The following PCDHGA3 variants were observed in gnomAD, a reference collection of about 807,000 sequenced individuals.
The protein encoded by PCDHGA3 is protocadherin gamma-A3.
A neutral mutation model predicts 58.5 loss-of-function variants in PCDHGA3; 40 were observed. That is an observed-to-expected ratio of 0.68 (90% CI 0.53 to 0.89). The LOEUF (loss-of-function observed/expected upper bound fraction) is 0.89. PCDHGA3 is among the 40% of genes least tolerant of loss of function. The pLI is 0.00. For missense variants in PCDHGA3, 1,223 were observed against 1,195.9 expected, an observed-to-expected ratio of 1.02 and a Z score of -0.33; for synonymous variants, 530 against 525.7, an observed-to-expected ratio of 1.01 and a Z score of -0.11.
intron 1 of PCDHGA3, chr5:141,357,456 C>T: frequency 6.2e-7 from 1 of 1,614,204 alleles, no homozygotes; most frequent in East Asian, 2.2e-5. Flanking sequence ...TCCTGCAGAC[C>T]TATTCCCACG....
intron 1 of PCDHGA3, chr5:141,415,994 C>G: frequency 6.6e-6 from 2 of 303,006 alleles, no homozygotes; most frequent in East Asian, 6.9e-5. Context: ...GTTCTGAAGG[C>G]AGGTCTGGTA....
In PCDHGA3 at chr5:141,418,992, A is replaced by G. The variant is rs554523363; in HGVS notation, c.2424+72535A>G. 28 of 1,613,802 alleles carry G rather than the reference A, an allele frequency of 1.7e-5. No individual in the cohort carries two copies. The African/African-American group carries it at 2.7e-4, about 15-fold the overall frequency. On this transcript the variant is annotated intron_variant, in intron 1 of 3. Coordinates refer to ENST00000253812, the MANE Select transcript of PCDHGA3 (RefSeq NM_018916.4). Reference sequence around the variant, plus strand: ...AAAACACGGGACCAAGACTCAGGGGAAAATGGGGAAGTCAGGTGTAGCTTA... The same window carrying G: ...AAAACACGGGACCAAGACTCAGGGGGAAATGGGGAAGTCAGGTGTAGCTTA...
At chr5:141,350,302 ACT>A in intron 1 of PCDHGA3, 1 of 1,520,774 alleles carries the variant, frequency 6.6e-7, no homozygotes, top group Non-Finnish European at 8.8e-7. Flanking sequence ...AAAGTCAGGT[ACT>A]GTTTCCCTTC....
Position 141,346,340 on chromosome 5 carries a change from T to G in PCDHGA3, c.2307T>G (p.Ile769Met), listed in dbSNP as rs776812616. 6.2e-7 allele frequency: 1 copy of G among 1,614,130 alleles called. No individual in the cohort carries two copies. The highest frequency in any genetic ancestry group is 1.1e-5 in the South Asian group (1 of 91,078). ...LTADSRKSHL[I>M]FPQPNYADTL... ...CGGACTCGCGGAAGAGCCACCTGAT[T>G]TTCCCCCAGCCCAACTATGCGGACA... The change falls in exon 1 of 4, where the codon ATT (isoleucine) becomes ATG (methionine). Residue 769 changes from isoleucine to methionine, a missense_variant. Transcript: ENST00000253812.
rs544291535 is a variant in PCDHGA3 at position 141,433,938 on chromosome 5, C to T, written c.2425-60869C>T. 4.6e-5 allele frequency among the ~76,000 whole-genome samples: 7 copies of T among 151,784 alleles called. No homozygotes were observed. The South Asian group carries it at 1.3e-3, about 27-fold the overall frequency. On this transcript the variant is annotated intron_variant, in intron 1 of 3. Coordinates refer to ENST00000253812, the MANE Select transcript of PCDHGA3 (RefSeq NM_018916.4). ...CCTCCAAATGAAGATTTTATAATTCCATTGTTTCTTCTACAGTTGTTAATT... is the reference window on the plus strand; with the variant it reads ...CCTCCAAATGAAGATTTTATAATTCTATTGTTTCTTCTACAGTTGTTAATT...
rs1285129755 is a variant in PCDHGA3 at position 141,350,449 on chromosome 5, A to C, written c.2424+3992A>C. The C allele has an allele frequency of 1.2e-6, 2 of 1,610,634 alleles. No homozygotes were observed. Among genetic ancestry groups the C allele is most frequent in the African/African-American group, 2.7e-5 (2 of 74,816 alleles). The stretch of plus-strand genomic sequence containing the variant: ...GTGTCCGGGAGTTGCCAACTCGAAA[A>C]CTGCGGGTTAGTGCAGAGGATTATT... On this transcript the variant is annotated intron_variant, in intron 1 of 3. Coordinates refer to ENST00000253812, the MANE Select transcript of PCDHGA3 (RefSeq NM_018916.4).
chr5:141,346,369 T>A lies in PCDHGA3; in HGVS notation c.2336T>A (p.Leu779His). The change falls in exon 1 of 4, where the codon CTC becomes CAC. Residue 779 changes from leucine to histidine, a missense_variant. This residue lies in a region of PCDHGA3 where 325 missense variants were observed against 327.5 expected (regional missense o/e 0.99). Transcript: ENST00000253812. ...CCCCAGCCCAACTATGCGGACACGCTCATCAGCCAGGAGAGCTGTGAGAAA... is the reference window on the plus strand; with the variant it reads ...CCCCAGCCCAACTATGCGGACACGCACATCAGCCAGGAGAGCTGTGAGAAA... ...IFPQPNYADTLISQESCEKSE... is the reference protein window; with the variant it reads ...IFPQPNYADTHISQESCEKSE... 1 of 1,614,202 alleles carries A rather than the reference T, an allele frequency of 6.2e-7. No individual in the cohort carries two copies. The highest frequency in any genetic ancestry group is 8.5e-7 in the Non-Finnish European group (1 of 1,180,046).
intron 1 of PCDHGA3, chr5:141,394,889 T>C: frequency 6.2e-7 from 1 of 1,613,858 alleles, no homozygotes; most frequent in Non-Finnish European, 8.5e-7. Context: ...TTACACTCTA[T>C]CTCGTGGTGG....
chr5:141,390,416 T>A, intron 1 of PCDHGA3: 2 of 1,124,674 alleles, frequency 1.8e-6, no homozygotes, highest in Non-Finnish European at 2.5e-6. Context: ...TGTAGTCAGT[T>A]AAAAAGCTGT....
chr5:141,415,866 T>A, intron 1 of PCDHGA3: 1 of 1,115,266 alleles, frequency 9.0e-7, no homozygotes, highest in Non-Finnish European at 1.2e-6. Context: ...GTTTATAGTG[T>A]TGTTGAGTAC....
intron 1 of PCDHGA3, among the ~76,000 whole-genome samples, chr5:141,448,169 A>C (rs1418273084): frequency 6.6e-6 from 1 of 152,014 alleles, no homozygotes; most frequent in Non-Finnish European, 1.5e-5. Flanking sequence ...GATCACTACT[A>C]TTCATCCCTG....
At chr5:141,424,022 A>G (rs2096795541) in intron 1 of PCDHGA3, 13 of 1,046,584 alleles carry the variant, frequency 1.2e-5, no homozygotes, top group Non-Finnish European at 1.4e-5. Context: ...ATGATTCACA[A>G]ACACTTTTTA....
intron 1 of PCDHGA3, chr5:141,399,115 G>C: frequency 6.2e-7 from 1 of 1,613,814 alleles, no homozygotes; most frequent in Non-Finnish European, 8.5e-7. Context: ...ATGTACAGTT[G>C]AAATTAATAT....
chr5:141,509,067 C>T (rs987332283), intron 3 of PCDHGA3, among the ~76,000 whole-genome samples: 1 of 152,132 alleles, frequency 6.6e-6, no homozygotes, highest in African/African-American at 2.4e-5. Flanking sequence ...CTCTCAGCTC[C>T]GGGGATTTGC....
intron 1 of PCDHGA3, chr5:141,366,519 G>T: frequency 6.2e-7 from 1 of 1,614,256 alleles, no homozygotes; most frequent in Non-Finnish European, 8.5e-7. Context: ...GCTGAAGGCA[G>T]CAGGTTGGCG....
rs1757443282 is a variant in PCDHGA3, at chr5:141,344,598, G to A, written c.565G>A (p.Ala189Thr). The change falls in exon 1 of 4, where the codon GCC becomes ACC. Residue 189 changes from alanine to threonine, a missense_variant. Around this residue, in one of 3 missense-constraint regions of PCDHGA3, gnomAD observed 791 missense variants for 708.5 expected, o/e 1.12. Coordinates refer to ENST00000253812, the MANE Select transcript of PCDHGA3 (RefSeq NM_018916.4). ...SLAVNSVSEGAKYPELVLERA... is the reference protein window; with the variant it reads ...SLAVNSVSEGTKYPELVLERA... ...GGCTGTGAATAGCGTCTCTGAGGGG[G>A]CCAAGTATCCAGAGCTGGTGCTGGA... is the stretch of plus-strand genomic sequence containing the variant. 2 of 1,613,986 alleles carry A rather than the reference G, an allele frequency of 1.2e-6. No homozygotes were observed. Among genetic ancestry groups the A allele is most frequent in the Non-Finnish European group, 1.7e-6 (2 of 1,179,890 alleles).
chr5:141,505,883 T>C (rs1225759976), intron 3 of PCDHGA3, among the ~76,000 whole-genome samples: 1 of 152,118 alleles, frequency 6.6e-6, no homozygotes, highest in East Asian at 1.9e-4. Flanking sequence ...GTTGTAGAGA[T>C]TAAATGAGAT....
chr5:141,409,179 G>A, intron 1 of PCDHGA3: 1 of 1,613,988 alleles, frequency 6.2e-7, no homozygotes. Context: ...GACGGAGGTG[G>A]TCTCTCTACC....
intron 1 of PCDHGA3, among the ~76,000 whole-genome samples, chr5:141,445,787 T>C (rs2098477657): frequency 1.3e-5 from 2 of 152,182 alleles, no homozygotes; most frequent in South Asian, 4.1e-4. Context: ...CTAGGGAGGC[T>C]AGAAACAGAA....
Sources: gnomAD v4.1 joint callset for allele counts (sites outside exome capture counted in the v4.1 genomes callset) on GRCh38, gnomAD v4.1.1 for gene constraint, gnomAD v4.1.1 regional missense constraint, MANE v1.5 for transcripts, NCBI Gene and HGNC (gene_info 2026-07-23, HGNC 2026-07-21) for gene names.